Variants in MAPK4 observed in about 807,000 individuals in gnomAD.
The protein encoded by MAPK4 is mitogen-activated protein kinase 4, also known as Erk3-related.
In MAPK4, 22 loss-of-function variants were observed where a neutral mutation model predicts 47.7. The observed-to-expected ratio is 0.46, with a 90% confidence interval of 0.33 to 0.66. MAPK4 has a LOEUF of 0.66. Among genes scored for constraint, MAPK4 ranks in the 30% least tolerant of loss-of-function variants. The probability of loss-of-function intolerance (pLI) is 0.02; values close to 1 mark genes in which losing one functional copy is unlikely to be tolerated. For missense variants in MAPK4, 736 were observed against 831.7 expected (o/e 0.88, Z 1.42); for synonymous variants, 390 against 365.7 (o/e 1.07, Z -0.76).
intron 1 of MAPK4, among the ~76,000 whole-genome samples, chr18:50,596,764 C>T (rs2042485253): frequency 6.6e-6 from 1 of 152,176 alleles, no homozygotes; most frequent in South Asian, 2.1e-4. Flanking sequence ...TATCATTAGC[C>T]ATAGATTCTG....
At chr18:50,711,151 A>G (rs1308456087) in intron 2 of MAPK4, among the ~76,000 whole-genome samples, 1 of 152,200 alleles carries the variant, frequency 6.6e-6, no homozygotes, top group Non-Finnish European at 1.5e-5. Flanking sequence ...AGCTTTAATT[A>G]TACCTTCTCT....
chr18:50,563,632 C>T (rs1183771948), intron 1 of MAPK4, among the ~76,000 whole-genome samples: 1 of 152,160 alleles, frequency 6.6e-6, no homozygotes, highest in Non-Finnish European at 1.5e-5. Flanking sequence ...TCTTCAAGGC[C>T]AAGAATGTGA....
At chr18:50,658,358 T>A (rs2043133957) in intron 1 of MAPK4, among the ~76,000 whole-genome samples, 1 of 152,200 alleles carries the variant, frequency 6.6e-6, no homozygotes, top group Non-Finnish European at 1.5e-5. Context: ...GATCATACTA[T>A]GGCGATTAGA....
chr18:50,640,382 CAAAAAA>C (rs34039185), intron 1 of MAPK4, among the ~76,000 whole-genome samples: 14 of 128,836 alleles, frequency 1.1e-4, no homozygotes, highest in Admixed American at 2.3e-4. Context: ...TTCTTGTTTA[CAAAAAA>C]AAAAAAAAAA....
Position 50,616,077 on chromosome 18 carries a change from G to T in MAPK4, c.-870-47012G>T, listed in dbSNP as rs561270610. ...CCTCAGTGTCACTTCAGGTGTCGGGGACTGGCTTTGAACACTTCTTCCCTG... is the reference window on the plus strand; with the variant it reads ...CCTCAGTGTCACTTCAGGTGTCGGGTACTGGCTTTGAACACTTCTTCCCTG... On this transcript the variant is annotated intron_variant, in intron 1 of 5. Transcript: ENST00000400384. 2.6e-5 allele frequency among the ~76,000 whole-genome samples: 4 copies of T among 152,304 alleles called. No homozygotes were observed. In the South Asian group the frequency reaches 8.3e-4, roughly 32 times the overall value.
At chr18:50,611,442 G>T (rs2042632373) in intron 1 of MAPK4, among the ~76,000 whole-genome samples, 1 of 152,200 alleles carries the variant, frequency 6.6e-6, no homozygotes, top group African/African-American at 2.4e-5. Flanking sequence ...CTTGCTCATG[G>T]CTGCAGAAAA....
chr18:50,621,026 T>C lies in MAPK4; in HGVS notation c.-870-42063T>C, dbSNP rs1314309519. 2.0e-5 allele frequency among the ~76,000 whole-genome samples: 3 copies of C among 152,324 alleles called. No homozygotes were observed. The East Asian group carries it at 5.8e-4, about 29-fold the overall frequency. ...AAAGAAGAAAAACAGTGCTTAACTT[T>C]ATCGATCATTTGCTACATTACTGGG... On this transcript the variant is annotated intron_variant, in intron 1 of 5. Coordinates refer to ENST00000400384, the MANE Select transcript of MAPK4 (RefSeq NM_002747.4).
intron 2 of MAPK4, among the ~76,000 whole-genome samples, chr18:50,680,501 A>T (rs1174662632): frequency 6.6e-6 from 1 of 152,174 alleles, no homozygotes; most frequent in African/African-American, 2.4e-5. Flanking sequence ...ATGTATGTCC[A>T]TCAGCAGAAT....
chr18:50,707,782 T>G (rs1910139102), intron 2 of MAPK4, among the ~76,000 whole-genome samples: 1 of 152,148 alleles, frequency 6.6e-6, no homozygotes, highest in Admixed American at 6.6e-5. Flanking sequence ...GCCTGGAGTG[T>G]CCAACAAGGG....
At chr18:50,569,652 A>G (rs749348782) in intron 1 of MAPK4, among the ~76,000 whole-genome samples, 11 of 152,380 alleles carry the variant, frequency 7.2e-5, no homozygotes, top group Non-Finnish European at 1.6e-4. Flanking sequence ...TTATCACTAA[A>G]GATAGAAACT....
At chr18:50,660,656 G>T (rs911429872) in intron 1 of MAPK4, among the ~76,000 whole-genome samples, 3 of 152,214 alleles carry the variant, frequency 2.0e-5, no homozygotes, top group Non-Finnish European at 4.4e-5. Context: ...AGAAAAGGGA[G>T]ACATGTCATT....
At chr18:50,599,973 A>G (rs908091863) in intron 1 of MAPK4, among the ~76,000 whole-genome samples, 1 of 152,210 alleles carries the variant, frequency 6.6e-6, no homozygotes, top group Non-Finnish European at 1.5e-5. Context: ...ATTATTACAT[A>G]TAATTAGGTA....
intron 1 of MAPK4, among the ~76,000 whole-genome samples, chr18:50,642,614 C>T (rs1030473442): frequency 3.9e-5 from 6 of 152,196 alleles, no homozygotes; most frequent in Admixed American, 2.0e-4. Context: ...ACAACCCCTG[C>T]AGGGTGTTAA....
intron 2 of MAPK4, among the ~76,000 whole-genome samples, chr18:50,671,947 CTCTG>C (rs1325141717): frequency 6.6e-6 from 1 of 151,758 alleles, no homozygotes; most frequent in Non-Finnish European, 1.5e-5. Context: ...CTCCTGGGCA[CTCTG>C]TCTTTCTTTG....
chr18:50,603,819 G>T (rs1049160574), intron 1 of MAPK4, among the ~76,000 whole-genome samples: 1 of 152,144 alleles, frequency 6.6e-6, no homozygotes, highest in Non-Finnish European at 1.5e-5. Flanking sequence ...AAATTCTGGA[G>T]GTTGTAATAG....
At chr18:50,658,085 G>A (rs577394014) in intron 1 of MAPK4, among the ~76,000 whole-genome samples, 2 of 152,180 alleles carry the variant, frequency 1.3e-5, no homozygotes, top group African/African-American at 2.4e-5. Flanking sequence ...GATGGAAGGT[G>A]GGGGTGTGGT....
intron 1 of MAPK4, among the ~76,000 whole-genome samples, chr18:50,625,927 C>CACACACACACACACAT (rs1167419602): frequency 1.9e-4 from 18 of 93,360 alleles, no homozygotes; most frequent in African/African-American, 7.4e-4. Context: ...CACACACACA[C>CACACACACACACACAT]ATATATAATG....
intron 1 of MAPK4, among the ~76,000 whole-genome samples, chr18:50,660,370 G>T (rs2144239062): frequency 6.6e-6 from 1 of 152,304 alleles, no homozygotes; most frequent in Non-Finnish European, 1.5e-5. Context: ...AGGGCTTGTT[G>T]TGAGATGCGC....
intron 1 of MAPK4, among the ~76,000 whole-genome samples, chr18:50,565,365 A>G (rs995995128): frequency 2.0e-5 from 3 of 152,184 alleles, no homozygotes; most frequent in African/African-American, 7.2e-5. Context: ...AACTTACTGC[A>G]CCTTGTAAAC....
Sources: allele counts gnomAD v4.1 joint callset (sites outside exome capture counted in the v4.1 genomes callset), GRCh38; gene constraint gnomAD v4.1.1; transcripts MANE v1.5; gene names NCBI Gene and HGNC (gene_info 2026-07-23, HGNC 2026-07-21).